Variants in KCNT2 observed in about 807,000 individuals in gnomAD.
KCNT2 encodes potassium channel subfamily T member 2.
KCNT2 carries 67 observed loss-of-function variants against 153.8 expected under a neutral mutation model. The observed-to-expected ratio is 0.44, with a 90% CI of 0.36 to 0.53. KCNT2 has a LOEUF of 0.53. Among genes scored for constraint, KCNT2 ranks in the 20% least tolerant of loss-of-function variants. KCNT2 has a pLI of 0.00. For missense variants in KCNT2, 975 were observed against 1,354.8 expected (o/e 0.72, Z 4.40); for synonymous variants, 500 against 458.8 (o/e 1.09, Z -1.15).
chr1:196,262,009 A>G (rs188910954), intron 25 of KCNT2, among the ~76,000 whole-genome samples: 27 of 152,040 alleles, frequency 1.8e-4, no homozygotes, highest in African/African-American at 6.5e-4. Context: ...AAGTTATATT[A>G]CTTCCTAAAT....
chr1:196,390,620 T>C, intron 13 of KCNT2, among the ~76,000 whole-genome samples: 1 of 151,426 alleles, frequency 6.6e-6, no homozygotes, highest in Admixed American at 6.6e-5. Flanking sequence ...ACATTTCCCC[T>C]AGAGTTATTT....
chr1:196,390,890 CTTTTTTTT>C (rs61134739), intron 13 of KCNT2, among the ~76,000 whole-genome samples: 1 of 124,382 alleles, frequency 8.0e-6, no homozygotes, highest in Middle Eastern at 3.9e-3. Flanking sequence ...CTCATTCATT[CTTTTTTTT>C]TTTTTTTTTT....
chr1:196,365,602 A>G (rs771228734), intron 14 of KCNT2, among the ~76,000 whole-genome samples: 22 of 152,126 alleles, frequency 1.4e-4, no homozygotes, highest in African/African-American at 5.3e-4. Context: ...TGTTAATGTC[A>G]TTGTTCCAAA....
intron 1 of KCNT2, among the ~76,000 whole-genome samples, chr1:196,538,016 G>C (rs1655837280): frequency 2.0e-5 from 3 of 152,136 alleles, no homozygotes; most frequent in African/African-American, 7.2e-5. Context: ...CCTTTCCTGA[G>C]CTGTGTAGCC....
rs564755040 is a variant in KCNT2, at chr1:196,338,201, A to C, written c.1783+2140T>G. Among the ~76,000 whole-genome samples, 10 of 152,184 alleles carry C rather than the reference A, an allele frequency of 6.6e-5. No homozygotes were observed. The South Asian group carries it at 2.1e-3, about 32-fold the overall frequency. On this transcript the variant is annotated intron_variant, in intron 16 of 27. Transcript: ENST00000294725. ...AAGAATTAGAAGTCATTACTTAGGGAATGTTGGGGTGTGAGGAATAGTTCC... is the reference window on the plus strand; with the variant it reads ...AAGAATTAGAAGTCATTACTTAGGGCATGTTGGGGTGTGAGGAATAGTTCC...
intron 12 of KCNT2, among the ~76,000 whole-genome samples, chr1:196,421,670 A>C (rs1056196877): frequency 6.6e-6 from 1 of 152,046 alleles, no homozygotes; most frequent in Non-Finnish European, 1.5e-5. Flanking sequence ...AAAGTTTTCC[A>C]ATCATTTTTT....
At position 196,516,985 on chromosome 1, in the gene KCNT2, C is replaced by T. The variant is rs537434302; in HGVS notation, c.96-24644G>A. The stretch of plus-strand genomic sequence containing the variant: ...CCAGCCTGAGTCTCCAACCACCCCC[C>T]AGCTGGGACTATGGAGCCAGTAGCA... On this transcript the variant is annotated intron_variant, in intron 1 of 27. Coordinates refer to ENST00000294725, the MANE Select transcript of KCNT2 (RefSeq NM_198503.5). Among the ~76,000 whole-genome samples the T allele has an allele frequency of 3.9e-5, 6 of 152,304 alleles. No individual in the cohort carries two copies. In the South Asian group the frequency reaches 1.2e-3, roughly 32 times the overall value.
intron 1 of KCNT2, among the ~76,000 whole-genome samples, chr1:196,576,383 C>T (rs561045902): frequency 3.9e-5 from 6 of 152,168 alleles, no homozygotes; most frequent in African/African-American, 1.4e-4. Flanking sequence ...AGATGTTTTT[C>T]TATTTGAATC....
At chr1:196,424,582 T>C (rs953048798) in intron 11 of KCNT2, among the ~76,000 whole-genome samples, 5 of 151,778 alleles carry the variant, frequency 3.3e-5, no homozygotes, top group African/African-American at 9.7e-5. Context: ...ATATAAAGTA[T>C]TTAATCCACC....
intron 25 of KCNT2, among the ~76,000 whole-genome samples, chr1:196,273,698 T>C (rs906186601): frequency 5.9e-5 from 9 of 151,896 alleles, no homozygotes; most frequent in African/African-American, 2.2e-4. Flanking sequence ...CTTGTTAGAT[T>C]GTTTTTGTTT....
At chr1:196,306,958 G>A (rs563797327) in intron 21 of KCNT2, among the ~76,000 whole-genome samples, 4 of 151,878 alleles carry the variant, frequency 2.6e-5, no homozygotes, top group African/African-American at 4.8e-5. Flanking sequence ...CTTAATCTTC[G>A]TTTTGGTAAT....
intron 3 of KCNT2, among the ~76,000 whole-genome samples, chr1:196,482,908 T>G (rs1679125890): frequency 6.6e-6 from 1 of 152,140 alleles, no homozygotes; most frequent in African/African-American, 2.4e-5. Flanking sequence ...AGTAATCATC[T>G]TTATTCCCTA....
rs752227943 is a variant in KCNT2, at chr1:196,326,760, G to A, written c.2233C>T (p.Pro745Ser). The part of the protein sequence containing the change: ...FIVPLRAYYR[P>S]KKELNPIVLL... ...ACTATGGGATTAAGTTCTTTCTTTG[G>A]TCTATAATATGCCCTGAGAGGAACA... is the stretch of plus-strand genomic sequence containing the variant. Residue 745 changes from proline to serine, a missense_variant, in exon 19 of 28, where the codon CCA becomes TCA. Transcript: ENST00000294725. 3 of 1,564,968 alleles carry A rather than the reference G, an allele frequency of 1.9e-6. No individual in the cohort carries two copies. The highest frequency in any genetic ancestry group is 4.7e-5 in the East Asian group (2 of 42,636).
chr1:196,492,387 A>G (rs1182409582), intron 1 of KCNT2, 46 bp from the exon 2 acceptor site: 6 of 1,185,216 alleles, frequency 5.1e-6, no homozygotes, highest in Non-Finnish European at 6.6e-6. Context: ...AAGCAACCAT[A>G]TCTTTATTTT....
Position 196,292,779 on chromosome 1 carries a change from T to A in KCNT2, c.2596-7021A>T, listed in dbSNP as rs138862122. On this transcript the variant is annotated intron_variant, in intron 22 of 27. Coordinates refer to ENST00000294725, the MANE Select transcript of KCNT2 (RefSeq NM_198503.5). ...GCGAGTGGAGATTGCGCCACTGCAC[T>A]CCAGCCTGGGCGACAGAGTGAGACT... Among the ~76,000 whole-genome samples the A allele has an allele frequency of 5.7e-3, 701 of 123,222 alleles. 2 individuals are homozygous for A. Among genetic ancestry groups the A allele is most frequent in the African/African-American group, 0.021 (654 of 31,416 alleles). 80.8% of individuals were successfully genotyped at this position (123,222 alleles called of 152,430 possible).
chr1:196,485,254 C>T (rs768253222), intron 3 of KCNT2, among the ~76,000 whole-genome samples: 10 of 151,882 alleles, frequency 6.6e-5, no homozygotes, highest in African/African-American at 9.7e-5. Flanking sequence ...AATGAGATCA[C>T]ATGGACACAG....
intron 1 of KCNT2, among the ~76,000 whole-genome samples, chr1:196,561,514 T>C (rs958142331): frequency 9.3e-5 from 14 of 151,120 alleles, no homozygotes; most frequent in Admixed American, 8.6e-4. Flanking sequence ...GTTGTTGATA[T>C]TGTAAACCAA....
intron 4 of KCNT2, among the ~76,000 whole-genome samples, chr1:196,481,511 G>A (rs1303852716): frequency 1.3e-5 from 2 of 152,198 alleles, no homozygotes; most frequent in African/African-American, 4.8e-5. Flanking sequence ...CCTAAGCAGT[G>A]AGTCTTAAAG....
chr1:196,466,746 C>T (rs1677653770), intron 7 of KCNT2, among the ~76,000 whole-genome samples: 1 of 151,898 alleles, frequency 6.6e-6, no homozygotes, highest in South Asian at 2.1e-4. Flanking sequence ...ATCATTTGCC[C>T]ATCACATTGT....
Sources: gnomAD v4.1 joint callset for allele counts (sites outside exome capture counted in the v4.1 genomes callset) on GRCh38, gnomAD v4.1.1 for gene constraint, MANE v1.5 for transcripts, NCBI Gene and HGNC (gene_info 2026-07-23, HGNC 2026-07-21) for gene names.